HMBOX1: variants seen among roughly 807,000 people sequenced by gnomAD.
HMBOX1 encodes homeobox containing 1.
A neutral mutation model predicts 54.5 loss-of-function variants in HMBOX1; 14 were observed. The observed-to-expected ratio is 0.26, with a 90% CI of 0.17 to 0.40. The LOEUF is 0.40. Ranked by LOEUF, HMBOX1 falls within the 10% of genes least tolerant of loss-of-function variation. The pLI is 1.00. For missense variants in HMBOX1, 332 were observed against 514.4 expected, an observed-to-expected ratio of 0.65 and a Z score of 3.43; for synonymous variants, 160 against 181.0, an observed-to-expected ratio of 0.88 and a Z score of 0.93.
intron 1 of HMBOX1, among the ~76,000 whole-genome samples, chr8:28,939,744 T>C (rs1821030153): frequency 1.3e-5 from 2 of 151,994 alleles, no homozygotes; most frequent in South Asian, 4.2e-4. Context: ...TCCTGGCCTC[T>C]GGTGATCCAC....
chr8:28,918,758 A>G (rs1439521785), intron 1 of HMBOX1, among the ~76,000 whole-genome samples: 1 of 150,556 alleles, frequency 6.6e-6, no homozygotes, highest in Non-Finnish European at 1.5e-5. Flanking sequence ...TAACATAAGT[A>G]TTTTAAAGTA....
chr8:28,967,266 G>C (rs1430328347), intron 2 of HMBOX1, among the ~76,000 whole-genome samples: 1 of 152,166 alleles, frequency 6.6e-6, no homozygotes, highest in Non-Finnish European at 1.5e-5. Flanking sequence ...AAAGAATGAG[G>C]TGTTCTAAGC....
chr8:28,989,520 G>A (rs575629243), intron 4 of HMBOX1, among the ~76,000 whole-genome samples: 19 of 152,032 alleles, frequency 1.2e-4, no homozygotes, highest in Non-Finnish European at 2.6e-4. Context: ...AACTCAGTTG[G>A]ACATGCATGC....
intron 1 of HMBOX1, among the ~76,000 whole-genome samples, chr8:28,892,281 G>A (rs972866877): frequency 1.3e-5 from 2 of 152,148 alleles, no homozygotes; most frequent in Non-Finnish European, 2.9e-5. Flanking sequence ...CTAAGTCAAA[G>A]TTGGGAAATT....
intron 4 of HMBOX1, among the ~76,000 whole-genome samples, chr8:28,982,253 C>T (rs1411692974): frequency 6.6e-6 from 1 of 151,996 alleles, no homozygotes; most frequent in Non-Finnish European, 1.5e-5. Context: ...ACAAAAAATA[C>T]TGAATACTGC....
chr8:29,004,560 T>C (rs951313063), intron 4 of HMBOX1, among the ~76,000 whole-genome samples: 10 of 152,190 alleles, frequency 6.6e-5, no homozygotes, highest in African/African-American at 7.2e-5. Context: ...CAGAAAATAA[T>C]GTGAATGAGG....
chr8:28,913,077 A>G (rs1319476065), intron 1 of HMBOX1, among the ~76,000 whole-genome samples: 2 of 152,040 alleles, frequency 1.3e-5, no homozygotes, highest in Non-Finnish European at 2.9e-5. Flanking sequence ...TTTTCCTCCT[A>G]TAGTCACCCT....
intron 1 of HMBOX1, among the ~76,000 whole-genome samples, chr8:28,909,274 G>A (rs1814951863): frequency 6.6e-6 from 1 of 152,100 alleles, no homozygotes; most frequent in African/African-American, 2.4e-5. Flanking sequence ...TGAACTATTT[G>A]TGGTAACGCA....
At chr8:29,000,813 AGTC>A (rs1358589846) in intron 4 of HMBOX1, among the ~76,000 whole-genome samples, 1 of 152,220 alleles carries the variant, frequency 6.6e-6, no homozygotes, top group Non-Finnish European at 1.5e-5. Context: ...TTGGTTTTTA[AGTC>A]TGCTATAATG....
At chr8:28,986,877 A>G (rs552793890) in intron 4 of HMBOX1, among the ~76,000 whole-genome samples, 2 of 152,222 alleles carry the variant, frequency 1.3e-5, no homozygotes, top group Admixed American at 6.5e-5. Flanking sequence ...CCTCAGGAAA[A>G]AAACCAGCCT....
At chr8:28,997,068 C>G (rs979415391) in intron 4 of HMBOX1, among the ~76,000 whole-genome samples, 1 of 151,858 alleles carries the variant, frequency 6.6e-6, no homozygotes, top group Non-Finnish European at 1.5e-5. Flanking sequence ...AGAGGTAGTT[C>G]TACTTTTTCC....
At chr8:28,892,635 A>C (rs1012267699) in intron 1 of HMBOX1, among the ~76,000 whole-genome samples, 1 of 152,182 alleles carries the variant, frequency 6.6e-6, no homozygotes, top group Non-Finnish European at 1.5e-5. Context: ...ATTTTATGAT[A>C]TGTCCTCTAA....
At chr8:28,990,501 A>C (rs1307255006) in intron 4 of HMBOX1, among the ~76,000 whole-genome samples, 2 of 152,152 alleles carry the variant, frequency 1.3e-5, no homozygotes, top group Admixed American at 6.5e-5. Context: ...ATATTCTGGG[A>C]AAAGTCCCAC....
intron 2 of HMBOX1, among the ~76,000 whole-genome samples, chr8:28,968,466 A>AT (rs568465575): frequency 1.3e-5 from 2 of 152,214 alleles, no homozygotes; most frequent in African/African-American, 2.4e-5. Context: ...GTTTACTCAG[A>AT]TTTTTTGTGA....
At position 28,977,264 on chromosome 8, in the gene HMBOX1, G is replaced by A. The variant is rs146533703; in HGVS notation, c.501-2807G>A. Among the ~76,000 whole-genome samples, 9 of 152,272 alleles carry A rather than the reference G, an allele frequency of 5.9e-5. No homozygotes were observed. In the East Asian group the frequency reaches 1.7e-3, roughly 29 times the overall value. Reference sequence around the variant, plus strand: ...TGGATTTAAATGACAATGTAAATTAGTAGTCAAAAAACCCATTTAATTCTT... The same window carrying A: ...TGGATTTAAATGACAATGTAAATTAATAGTCAAAAAACCCATTTAATTCTT... On this transcript the variant is annotated intron_variant, in intron 3 of 9. Coordinates refer to ENST00000287701, the MANE Select transcript of HMBOX1 (RefSeq NM_001135726.3).
At chr8:28,931,611 A>T (rs1426515226) in intron 1 of HMBOX1, among the ~76,000 whole-genome samples, 1 of 152,110 alleles carries the variant, frequency 6.6e-6, no homozygotes, top group Non-Finnish European at 1.5e-5. Context: ...TTACAATCAC[A>T]TCTCACTGCA....
At chr8:28,976,754 T>C (rs2132431666) in intron 3 of HMBOX1, among the ~76,000 whole-genome samples, 1 of 151,452 alleles carries the variant, frequency 6.6e-6, no homozygotes, top group East Asian at 1.9e-4. Flanking sequence ...TCACCCAGGT[T>C]GGAGTGCAGT....
rs1043589999 is a variant in HMBOX1 at position 29,038,299 on chromosome 8, T to C, written c.852-7062T>C. 5.3e-5 allele frequency among the ~76,000 whole-genome samples: 8 copies of C among 152,342 alleles called. No homozygotes were observed. In the South Asian group the frequency reaches 1.7e-3, roughly 32 times the overall value. On this transcript the variant is annotated intron_variant, in intron 6 of 9. Coordinates refer to ENST00000287701, the MANE Select transcript of HMBOX1 (RefSeq NM_001135726.3). Reference sequence around the variant, plus strand: ...CAAAAGATCATTTGGTTTCTCCCTGTGAAGACATTCACTGATCACTCAGCC... The same window carrying C: ...CAAAAGATCATTTGGTTTCTCCCTGCGAAGACATTCACTGATCACTCAGCC...
At chr8:28,904,963 C>T (rs1450430159) in intron 1 of HMBOX1, among the ~76,000 whole-genome samples, 1 of 152,162 alleles carries the variant, frequency 6.6e-6, no homozygotes, top group Non-Finnish European at 1.5e-5. Flanking sequence ...GCATGAGCTA[C>T]TGCGCCCGGC....
Sources: allele counts gnomAD v4.1 joint callset (sites outside exome capture counted in the v4.1 genomes callset), GRCh38; gene constraint gnomAD v4.1.1; transcripts MANE v1.5; gene names NCBI Gene and HGNC (gene_info 2026-07-23, HGNC 2026-07-21).